TENM2: variants seen among roughly 807,000 people sequenced by gnomAD.
TENM2 encodes the protein teneurin-2.
TENM2 carries 52 observed loss-of-function variants against 245.2 expected under a neutral mutation model. That is an observed-to-expected ratio of 0.21 (90% CI 0.17 to 0.27). The LOEUF (loss-of-function observed/expected upper bound fraction) is 0.27, where lower values mean the gene tolerates loss of function less well. TENM2 is among the 10% of genes least tolerant of loss of function. The pLI is 1.00. For missense variants in TENM2, 3,046 were observed against 3,666.8 expected (o/e 0.83, Z 4.37); for synonymous variants, 1,363 against 1,438.9 (o/e 0.95, Z 1.19).
intron 2 of TENM2, among the ~76,000 whole-genome samples, chr5:167,455,458 T>TG (rs1011819214): frequency 3.3e-5 from 5 of 151,392 alleles, no homozygotes; most frequent in Non-Finnish European, 7.4e-5. Flanking sequence ...ATGTGTAGTT[T>TG]TTTTTTTTTT....
chr5:167,326,405 TGGCTCACGCCTGTAAGCCCA>T (rs1757080383), intron 1 of TENM2, among the ~76,000 whole-genome samples: 1 of 152,032 alleles, frequency 6.6e-6, no homozygotes, highest in South Asian at 2.1e-4. Flanking sequence ...CCAGGCATGG[TGGCTCACGCCTGTAAGCCCA>T]GCACTTTGGG....
chr5:167,303,149 T>G (rs968092564), intron 1 of TENM2: 3 of 168,628 alleles, frequency 1.8e-5, no homozygotes, highest in Non-Finnish European at 3.7e-5. Context: ...GAGATGTTCC[T>G]TGGGCTGGTG....
chr5:168,184,711 A>T, intron 13 of TENM2, among the ~76,000 whole-genome samples: 1 of 152,182 alleles, frequency 6.6e-6, no homozygotes, highest in East Asian at 1.9e-4. Context: ...AAGGATCCAG[A>T]TGCTTATTGT....
rs79593764 is a variant in TENM2 at position 167,317,672 on chromosome 5, A to G, written c.226+32609A>G. On this transcript the variant is annotated intron_variant, in intron 1 of 28. Coordinates refer to ENST00000518659, the Ensembl canonical transcript of TENM2. ...AAGGTAATCAGGCCACATTCATCGC[A>G]TGCACTTGGAGCAGAAGCTGAAACC... is the stretch of plus-strand genomic sequence containing the variant. Among the ~76,000 whole-genome samples, 50 of 152,266 alleles carry G rather than the reference A, an allele frequency of 3.3e-4. 4 individuals carry two copies. In the East Asian group the frequency reaches 9.7e-3, roughly 30 times the overall value.
chr5:168,201,083 G>T (rs543489751), intron 17 of TENM2, among the ~76,000 whole-genome samples: 27 of 152,086 alleles, frequency 1.8e-4, no homozygotes, highest in African/African-American at 6.5e-4. Flanking sequence ...TAACCCCATT[G>T]TGCATATGGG....
intron 2 of TENM2, among the ~76,000 whole-genome samples, chr5:167,676,370 CA>C (rs1756327055): frequency 6.6e-6 from 1 of 152,010 alleles, no homozygotes; most frequent in Admixed American, 6.6e-5. Flanking sequence ...TGTCAAAACG[CA>C]AGATGTGGTT....
At chr5:167,467,486 G>A (rs1766738026) in intron 2 of TENM2, among the ~76,000 whole-genome samples, 1 of 143,498 alleles carries the variant, frequency 7.0e-6, no homozygotes, top group Non-Finnish European at 1.5e-5. Context: ...ACAAATGAAG[G>A]TAAGATAGGT....
chr5:167,181,510 ATTTTC>A, the TENM2 span, among the ~76,000 whole-genome samples: 1 of 92,684 alleles, frequency 1.1e-5, no homozygotes, highest in African/African-American at 4.6e-5. Flanking sequence ...GTGTATGTGT[ATTTTC>A]TTGTTCACGT....
At chr5:167,645,576 T>C (rs1023831122) in intron 2 of TENM2, among the ~76,000 whole-genome samples, 4 of 150,966 alleles carry the variant, frequency 2.6e-5, no homozygotes, top group Non-Finnish European at 5.9e-5. Context: ...GAATTTGTTC[T>C]TTCTAGTTTT....
chr5:167,242,822 C>T, the TENM2 span, among the ~76,000 whole-genome samples: 937 of 152,288 alleles, frequency 6.2e-3, 8 homozygotes, highest in African/African-American at 0.022. Flanking sequence ...AATACACAGA[C>T]TTTCAACTGC....
chr5:167,681,783 C>T (rs1399409408), intron 2 of TENM2, among the ~76,000 whole-genome samples: 1 of 152,086 alleles, frequency 6.6e-6, no homozygotes, highest in Non-Finnish European at 1.5e-5. Context: ...TTTCCATATC[C>T]TCATCAAAAC....
chr5:167,685,572 T>G (rs1757020287), intron 2 of TENM2, among the ~76,000 whole-genome samples: 1 of 152,208 alleles, frequency 6.6e-6, no homozygotes, highest in Non-Finnish European at 1.5e-5. Flanking sequence ...TCAGTAGTTT[T>G]TAGAGAATGT....
chr5:167,014,450 G>A, the TENM2 span, among the ~76,000 whole-genome samples: 1 of 151,900 alleles, frequency 6.6e-6, no homozygotes. Context: ...CAATAAAGAA[G>A]TCCTGTTTAA....
the TENM2 span, among the ~76,000 whole-genome samples, chr5:167,155,282 A>G: frequency 4.9e-4 from 75 of 152,342 alleles, 1 homozygote; most frequent in Non-Finnish European, 8.2e-4. Context: ...GCTGTGTTCT[A>G]TGGGATCCTG....
At chr5:166,980,640 C>G in the TENM2 span, among the ~76,000 whole-genome samples, 1 of 152,062 alleles carries the variant, frequency 6.6e-6, no homozygotes, top group African/African-American at 2.4e-5. Context: ...TGAGTAAAGG[C>G]AAATCAGCAA....
intron 2 of TENM2, among the ~76,000 whole-genome samples, chr5:167,644,661 G>A (rs370380044): frequency 3.9e-5 from 6 of 152,222 alleles, no homozygotes; most frequent in African/African-American, 1.4e-4. Flanking sequence ...GGCTCAAAGA[G>A]GTCAAGTAAC....
intron 5 of TENM2, among the ~76,000 whole-genome samples, chr5:168,039,501 A>G (rs765878642): frequency 6.6e-6 from 1 of 152,116 alleles, no homozygotes; most frequent in South Asian, 2.1e-4. Flanking sequence ...CTCTAAAGGT[A>G]TTTTGATCAC....
chr5:167,664,356 A>G (rs988701898), intron 2 of TENM2, among the ~76,000 whole-genome samples: 48 of 152,306 alleles, frequency 3.2e-4, no homozygotes, highest in African/African-American at 1.1e-3. Flanking sequence ...GTCTTAGTTG[A>G]CTGTCAAAAC....
At chr5:167,077,508 G>A in the TENM2 span, among the ~76,000 whole-genome samples, 9 of 152,204 alleles carry the variant, frequency 5.9e-5, no homozygotes, top group African/African-American at 2.2e-4. Context: ...TCCACTGTTT[G>A]CACTTTTTGG....
Sources: allele counts gnomAD v4.1 joint callset (sites outside exome capture counted in the v4.1 genomes callset), GRCh38; gene constraint gnomAD v4.1.1; transcripts MANE v1.5; gene names NCBI Gene and HGNC (gene_info 2026-07-23, HGNC 2026-07-21).